ZFHX3: variants seen among roughly 807,000 people sequenced by gnomAD.
ZFHX3 encodes the protein zinc finger homeobox 3.
Under a neutral mutation model 279.1 loss-of-function variants are expected in ZFHX3, and 42 were observed. The ratio of observed to expected loss-of-function variants is 0.15; its 90% CI spans 0.12 to 0.19. The LOEUF (loss-of-function observed/expected upper bound fraction) is 0.19, where lower values mean the gene tolerates loss of function less well. Among genes scored for constraint, ZFHX3 ranks in the 10% least tolerant of loss-of-function variants. The pLI is 1.00. For synonymous variants in ZFHX3, 2,293 were observed against 1,957.8 expected (o/e 1.17, Z -4.52); for missense variants, 4,981 against 4,754.0 (o/e 1.05, Z -1.40).
intron 4 of ZFHX3, among the ~76,000 whole-genome samples, chr16:73,315,972 T>C (rs999761114): frequency 8.5e-5 from 13 of 152,194 alleles, no homozygotes; most frequent in African/African-American, 3.1e-4. Context: ...AGCCTCCTCG[T>C]CCTGCCTGGA....
chr16:73,472,611 C>T (rs184607511), intron 2 of ZFHX3, among the ~76,000 whole-genome samples: 5 of 152,286 alleles, frequency 3.3e-5, no homozygotes, highest in South Asian at 2.1e-4. Context: ...CCTCCTTCTC[C>T]GTCCTACCGT....
At chr16:73,590,968 C>A (rs1210492022) in intron 2 of ZFHX3, among the ~76,000 whole-genome samples, 2 of 152,078 alleles carry the variant, frequency 1.3e-5, no homozygotes, top group Non-Finnish European at 2.9e-5. Flanking sequence ...TGAATTTACA[C>A]AAAATACAGG....
intron 2 of ZFHX3, among the ~76,000 whole-genome samples, chr16:73,606,508 T>C (rs555001890): frequency 2.7e-5 from 4 of 150,932 alleles, no homozygotes; most frequent in South Asian, 2.1e-4. Context: ...AAAAAATCCA[T>C]GCTTGTCTTG....
At chr16:73,160,644 G>A (rs186274897) in intron 5 of ZFHX3, among the ~76,000 whole-genome samples, 2 of 152,134 alleles carry the variant, frequency 1.3e-5, no homozygotes, top group South Asian at 2.1e-4. Context: ...TTAATTGCTT[G>A]GTTCAAGGTA....
Position 73,435,027 on chromosome 16 carries a change from G to A in ZFHX3, c.-1291+20976C>T, listed in dbSNP as rs147179443. The stretch of plus-strand genomic sequence containing the variant: ...TACATGTTATCAGTGATATTATGAT[G>A]TTATTAGGATTGTGGAATCATCCTC... On this transcript the variant is annotated intron_variant, in intron 3 of 17. Coordinates refer to the ZFHX3 transcript ENST00000641206. Among the ~76,000 whole-genome samples the A allele has an allele frequency of 3.3e-4, 50 of 152,240 alleles. No homozygotes were observed. In the East Asian group the frequency reaches 9.6e-3, roughly 29 times the overall value.
At chr16:73,439,350 T>A (rs181997006) in intron 3 of ZFHX3, among the ~76,000 whole-genome samples, 2 of 152,336 alleles carry the variant, frequency 1.3e-5, no homozygotes, top group Admixed American at 1.3e-4. Flanking sequence ...TTTGTTCATC[T>A]GATTTTGCTA....
intron 1 of ZFHX3, among the ~76,000 whole-genome samples, chr16:72,985,639 A>C (rs1962810717): frequency 6.6e-6 from 1 of 152,174 alleles, no homozygotes; most frequent in Non-Finnish European, 1.5e-5. Context: ...CACACACACA[A>C]AAAGACGCCT....
chr16:73,355,663 A>G (rs965209586), intron 3 of ZFHX3, among the ~76,000 whole-genome samples: 1 of 152,210 alleles, frequency 6.6e-6, no homozygotes, highest in African/African-American at 2.4e-5. Flanking sequence ...GGGAGGACAG[A>G]TCAAGGACCT....
At chr16:73,684,417 G>A (rs2053057388) in intron 1 of ZFHX3, among the ~76,000 whole-genome samples, 1 of 151,830 alleles carries the variant, frequency 6.6e-6, no homozygotes, top group Non-Finnish European at 1.5e-5. Flanking sequence ...GGAAAATTGG[G>A]ATAAAAAAAT....
intron 8 of ZFHX3, among the ~76,000 whole-genome samples, chr16:73,080,051 G>A (rs1434390989): frequency 1.3e-5 from 2 of 152,072 alleles, no homozygotes; most frequent in African/African-American, 4.8e-5. Context: ...CTTTTTCACA[G>A]GCTCTGCCTC....
chr16:73,006,320 G>T (rs1490544868), intron 1 of ZFHX3, among the ~76,000 whole-genome samples: 1 of 152,144 alleles, frequency 6.6e-6, no homozygotes, highest in African/African-American at 2.4e-5. Flanking sequence ...CTAGGAATAA[G>T]GGTAGAAAAT....
chr16:73,304,864 C>T (rs2143143848), intron 4 of ZFHX3, among the ~76,000 whole-genome samples: 1 of 152,196 alleles, frequency 6.6e-6, no homozygotes, highest in Middle Eastern at 3.4e-3. Flanking sequence ...TTTGAGGTAG[C>T]ACTTCTATGA....
rs796737492 is a variant in ZFHX3 at position 73,377,931 on chromosome 16, G to T, written c.-1290-59595C>A. On this transcript the variant is annotated intron_variant, in intron 3 of 17. Coordinates refer to the ZFHX3 transcript ENST00000641206. ...GCCTGTAGTCCCAGCTACTCAGGAG[G>T]CTGGGGCAGGAGAATGGCGTGAACC... Among the ~76,000 whole-genome samples, 37 of 149,390 alleles carry T rather than the reference G, an allele frequency of 2.5e-4. 1 individual carries two copies. Among genetic ancestry groups the T allele is most frequent in the African/African-American group, 8.9e-4 (36 of 40,410 alleles).
At chr16:73,555,140 A>C (rs1458970183) in intron 2 of ZFHX3, among the ~76,000 whole-genome samples, 2 of 152,106 alleles carry the variant, frequency 1.3e-5, no homozygotes, top group Non-Finnish European at 2.9e-5. Context: ...ACTCTTCTAG[A>C]ACATTGAAGG....
At chr16:72,827,598 G>A (rs971169766) in intron 5 of ZFHX3, among the ~76,000 whole-genome samples, 14 of 152,146 alleles carry the variant, frequency 9.2e-5, no homozygotes, top group Admixed American at 5.9e-4. Flanking sequence ...CTGTTTAATT[G>A]CCGTGTGAAC....
At chr16:72,859,947 A>G (rs1381981340) in intron 4 of ZFHX3, among the ~76,000 whole-genome samples, 3 of 152,190 alleles carry the variant, frequency 2.0e-5, no homozygotes, top group Non-Finnish European at 4.4e-5. Context: ...GAAGATAAAT[A>G]ACAATGAAAA....
chr16:73,199,002 C>T (rs1348547878), intron 5 of ZFHX3, among the ~76,000 whole-genome samples: 1 of 152,208 alleles, frequency 6.6e-6, no homozygotes, highest in Admixed American at 6.5e-5. Flanking sequence ...CTCGGGGACT[C>T]TCGACTTTGT....
At chr16:73,132,120 T>A (rs934396001) in intron 6 of ZFHX3, among the ~76,000 whole-genome samples, 2 of 152,076 alleles carry the variant, frequency 1.3e-5, no homozygotes, top group Admixed American at 1.3e-4. Flanking sequence ...ACCCCATCTC[T>A]ACAAAAATTT....
At chr16:73,642,230 C>T (rs866170170) in intron 2 of ZFHX3, among the ~76,000 whole-genome samples, 3 of 152,190 alleles carry the variant, frequency 2.0e-5, no homozygotes, top group African/African-American at 7.2e-5. Context: ...TCCTACTCTA[C>T]GATGGATTCT....
Sources: gnomAD v4.1 joint callset for allele counts (sites outside exome capture counted in the v4.1 genomes callset) on GRCh38, gnomAD v4.1.1 for gene constraint, MANE v1.5 for transcripts, NCBI Gene and HGNC (gene_info 2026-07-23, HGNC 2026-07-21) for gene names.